The following MTUS2 variants were observed in gnomAD, a reference collection of about 807,000 sequenced individuals.
The protein encoded by MTUS2 is microtubule associated scaffold protein 2.
In MTUS2, 40 loss-of-function variants were observed where a neutral mutation model predicts 114.1. The observed-to-expected ratio is 0.35, with a 90% confidence interval of 0.27 to 0.46. The LOEUF (loss-of-function observed/expected upper bound fraction) is 0.46, where lower values mean the gene tolerates loss of function less well. Among genes scored for constraint, MTUS2 ranks in the 20% least tolerant of loss-of-function variants. The pLI is 1.00. For missense variants in MTUS2, 1,679 were observed against 1,705.4 expected, an observed-to-expected ratio of 0.98 and a Z score of 0.27; for synonymous variants, 688 against 672.0, an observed-to-expected ratio of 1.02 and a Z score of -0.37.
rs143500937 is a variant in MTUS2, at chr13:29,473,485, A to G, written c.3185-6665A>G. Among the ~76,000 whole-genome samples the G allele has an allele frequency of 4.1e-3, 623 of 152,282 alleles. 5 individuals are homozygous for G. The highest frequency in any genetic ancestry group is 0.014 in the African/African-American group (582 of 41,558). ...TGTCTTATAAATGGTTCCAACAGCA[A>G]TTTTACTCTGCTGTTGTTTCAAGGA... On this transcript the variant is annotated intron_variant, in intron 9 of 15. Transcript: ENST00000612955.
At position 28,853,032 on chromosome 13, in the gene MTUS2, G is replaced by A. The variant is rs1287238491; in HGVS notation, c.-243+13182G>A. Among the ~76,000 whole-genome samples the A allele has an allele frequency of 3.4e-5, 4 of 118,980 alleles. No individual in the cohort carries two copies. The Admixed American group carries it at 3.6e-4, about 11-fold the overall frequency. 78.1% of individuals were successfully genotyped at this position (118,980 alleles called of 152,430 possible). A position where few individuals can be genotyped will look rare whatever the true frequency, so the allele number is the denominator to read the frequency against. ...TCATGCAAGATTCCTATGGATGGATGGCATCTGATGATCTGAAAAAGGTCT... is the reference window on the plus strand; with the variant it reads ...TCATGCAAGATTCCTATGGATGGATAGCATCTGATGATCTGAAAAAGGTCT... On this transcript the variant is annotated intron_variant, in intron 2 of 15. Transcript: ENST00000612955.
intron 5 of MTUS2, among the ~76,000 whole-genome samples, chr13:29,266,001 C>G (rs540846945): frequency 6.6e-6 from 1 of 152,282 alleles, no homozygotes; most frequent in African/African-American, 2.4e-5. Context: ...CTAGGGTTGC[C>G]TCTTCCGAGC....
chr13:29,180,350 T>C (rs1461980078), intron 5 of MTUS2, among the ~76,000 whole-genome samples: 10 of 152,166 alleles, frequency 6.6e-5, no homozygotes, highest in Admixed American at 6.5e-4. Flanking sequence ...TTAATTTCAA[T>C]TGCCAAACAC....
intron 4 of MTUS2, among the ~76,000 whole-genome samples, chr13:29,047,021 G>A (rs570122466): frequency 6.9e-4 from 105 of 152,320 alleles, no homozygotes; most frequent in Admixed American, 6.3e-3. Context: ...GTGCCCCCTT[G>A]TTCAGGTGTG....
chr13:29,329,359 C>A (rs1324437660), intron 7 of MTUS2, among the ~76,000 whole-genome samples: 1 of 145,666 alleles, frequency 6.9e-6, no homozygotes, highest in African/African-American at 2.6e-5. Flanking sequence ...TCTTGTTATT[C>A]AGCTCCCACT....
At chr13:28,884,410 G>A (rs1389188215) in intron 2 of MTUS2, among the ~76,000 whole-genome samples, 12 of 152,182 alleles carry the variant, frequency 7.9e-5, no homozygotes, top group Admixed American at 7.9e-4. Context: ...GAGGAGAGAG[G>A]AATGGGTATA....
intron 7 of MTUS2, among the ~76,000 whole-genome samples, chr13:29,342,377 G>A (rs2138125982): frequency 6.6e-6 from 1 of 151,672 alleles, no homozygotes; most frequent in Non-Finnish European, 1.5e-5. Flanking sequence ...TCCTTAATTA[G>A]GTGTAATATA....
chr13:28,940,531 T>A (rs984451640), intron 2 of MTUS2, among the ~76,000 whole-genome samples: 1 of 152,092 alleles, frequency 6.6e-6, no homozygotes, highest in Non-Finnish European at 1.5e-5. Flanking sequence ...AACCCAGACT[T>A]TAAAATAACT....
intron 4 of MTUS2, among the ~76,000 whole-genome samples, chr13:29,092,284 T>C (rs1212462676): frequency 6.6e-6 from 1 of 151,962 alleles, no homozygotes; most frequent in African/African-American, 2.4e-5. Context: ...TCCCTAATTG[T>C]TTTTTTACAC....
chr13:29,389,835 ATACATACATATGTG>A lies in MTUS2; in HGVS notation c.3117+30365_3117+30378del, dbSNP rs201999566. 4.5e-4 allele frequency among the ~76,000 whole-genome samples: 2 copies of A among 4,422 alleles called. 1 individual carries two copies. Among genetic ancestry groups the A allele is most frequent in the Non-Finnish European group, 0.018 (2 of 114 alleles). 2.9% of individuals were successfully genotyped at this position (4,422 alleles called of 152,430 possible). ...TATATATACATACATATGTGTATAT[ATACATACATATGTG>A]TATATATACATACATATGTGTATAT... On this transcript the variant is annotated intron_variant, in intron 8 of 15. Coordinates refer to ENST00000612955, the MANE Select transcript of MTUS2 (RefSeq NM_001033602.4).
At chr13:28,872,452 A>G (rs943992909) in intron 2 of MTUS2, among the ~76,000 whole-genome samples, 3 of 152,226 alleles carry the variant, frequency 2.0e-5, no homozygotes, top group East Asian at 1.9e-4. Flanking sequence ...TTGAGTTGCT[A>G]TAAAGGAATA....
intron 5 of MTUS2, among the ~76,000 whole-genome samples, chr13:29,106,807 G>A (rs1013107397): frequency 6.6e-6 from 1 of 151,990 alleles, no homozygotes. Flanking sequence ...ATGGTCCTTG[G>A]TAATTTTCCC....
At chr13:29,297,354 T>C (rs926419928) in intron 6 of MTUS2, among the ~76,000 whole-genome samples, 10 of 152,312 alleles carry the variant, frequency 6.6e-5, no homozygotes, top group African/African-American at 2.2e-4. Context: ...AAAAGATACG[T>C]TTGTTAAGAA....
intron 8 of MTUS2, among the ~76,000 whole-genome samples, chr13:29,437,255 C>T (rs951726496): frequency 1.3e-5 from 2 of 152,200 alleles, no homozygotes; most frequent in Admixed American, 6.5e-5. Flanking sequence ...ACTCTCATTA[C>T]TCTGAGAGTG....
intron 5 of MTUS2, among the ~76,000 whole-genome samples, chr13:29,181,648 C>T (rs60351466): frequency 0.025 from 3,729 of 152,112 alleles, 150 homozygotes; most frequent in African/African-American, 0.084. Context: ...AACTTTTACT[C>T]GGTTACCAGG....
chr13:29,189,773 A>G (rs1593578868), intron 5 of MTUS2, among the ~76,000 whole-genome samples: 1 of 152,182 alleles, frequency 6.6e-6, no homozygotes, highest in Non-Finnish European at 1.5e-5. Context: ...TTCTTCCATG[A>G]TAAACCTTTG....
chr13:29,259,111 A>G (rs571666393), intron 5 of MTUS2, among the ~76,000 whole-genome samples: 1 of 152,240 alleles, frequency 6.6e-6, no homozygotes, highest in Non-Finnish European at 1.5e-5. Flanking sequence ...AACAATAACA[A>G]AAACAAAAAG....
chr13:29,054,131 A>G (rs759817710), intron 4 of MTUS2, among the ~76,000 whole-genome samples: 4 of 152,078 alleles, frequency 2.6e-5, no homozygotes, highest in South Asian at 2.1e-4. Flanking sequence ...GCAATATCTC[A>G]TTTTAGTTTT....
intron 2 of MTUS2, among the ~76,000 whole-genome samples, chr13:28,913,625 C>G (rs903332434): frequency 3.3e-5 from 5 of 152,114 alleles, no homozygotes; most frequent in Non-Finnish European, 7.4e-5. Context: ...TGATGCTGGC[C>G]TCATAGAATG....
Sources: gnomAD v4.1 joint callset for allele counts (sites outside exome capture counted in the v4.1 genomes callset) on GRCh38, gnomAD v4.1.1 for gene constraint, MANE v1.5 for transcripts, NCBI Gene and HGNC (gene_info 2026-07-23, HGNC 2026-07-21) for gene names.